The following ARHGAP5 variants were observed in gnomAD, a reference collection of about 807,000 sequenced individuals.
ARHGAP5 encodes the protein rho GTPase-activating protein 5.
In ARHGAP5, 23 loss-of-function variants were observed where a neutral mutation model predicts 116.6. The observed-to-expected ratio is 0.20, with a 90% CI of 0.14 to 0.28. ARHGAP5 has a LOEUF of 0.28. Among genes scored for constraint, ARHGAP5 ranks in the 10% least tolerant of loss-of-function variants. The pLI, the probability that ARHGAP5 is intolerant of heterozygous loss-of-function variation, is 1.00. For missense variants in ARHGAP5, 1,405 were observed against 1,774.8 expected (o/e 0.79, Z 3.74); for synonymous variants, 574 against 602.0 (o/e 0.95, Z 0.68).
At chr14:32,151,753 A>G (rs193059088) in intron 5 of ARHGAP5, among the ~76,000 whole-genome samples, 2 of 152,358 alleles carry the variant, frequency 1.3e-5, no homozygotes, top group African/African-American at 4.8e-5. Context: ...TAACATATTT[A>G]TAAGTAATTA....
chr14:32,117,783 G>GTTGTATTTT (rs1879678582), intron 3 of ARHGAP5, among the ~76,000 whole-genome samples: 1 of 152,118 alleles, frequency 6.6e-6, no homozygotes, highest in African/African-American at 2.4e-5. Flanking sequence ...TATGATTTGA[G>GTTGTATTTT]TTGTATTTTT....
chr14:32,145,051 T>C (rs576653777), intron 3 of ARHGAP5, among the ~76,000 whole-genome samples: 1 of 152,338 alleles, frequency 6.6e-6, no homozygotes, highest in African/African-American at 2.4e-5. Flanking sequence ...TCAGAGACTT[T>C]GGAATATTAC....
intron 1 of ARHGAP5, among the ~76,000 whole-genome samples, chr14:32,089,064 C>T (rs1366051183): frequency 1.3e-5 from 2 of 151,840 alleles, no homozygotes; most frequent in African/African-American, 2.4e-5. Context: ...GTTTGACTGT[C>T]AGATGGCTGA....
chr14:32,136,541 G>T lies in ARHGAP5; in HGVS notation c.3866-9722G>T, dbSNP rs577071138. ...GTATTTGGATTGTTTTCATTCTTTT[G>T]GCTATTGTGAATAGTGCTGCTGTGA... On this transcript the variant is annotated intron_variant, in intron 3 of 6. Coordinates refer to ENST00000345122, the MANE Select transcript of ARHGAP5 (RefSeq NM_001030055.2). Among the ~76,000 whole-genome samples, 179 of 152,158 alleles carry T rather than the reference G, an allele frequency of 1.2e-3. 1 individual carries two copies. Among genetic ancestry groups the T allele is most frequent in the Non-Finnish European group, 2.3e-3 (159 of 68,012 alleles).
chr14:32,132,492 G>A (rs1880555950), intron 3 of ARHGAP5, among the ~76,000 whole-genome samples: 3 of 152,162 alleles, frequency 2.0e-5, no homozygotes, highest in Admixed American at 2.0e-4. Context: ...TTAGCCCTTT[G>A]TCAGATGAGT....
rs1159973082 is a variant in ARHGAP5, at chr14:32,091,326, A to G, written c.657A>G (p.Lys219=). The change falls in exon 2 of 7, where the codon AAA becomes AAG. Residue 219 remains lysine (K), a synonymous_variant. Coordinates refer to ENST00000345122, the MANE Select transcript of ARHGAP5 (RefSeq NM_001030055.2). The part of the protein sequence containing the change: ...LREVQAFASN[K]KNLLVVETSA... ...AAGTTCAGGCATTTGCTTCAAATAA[A>G]AAGAACCTTCTTGTAGTGGAAACAT... 6.2e-7 allele frequency: 1 copy of G among 1,613,620 alleles called. No individual in the cohort carries two copies. Among genetic ancestry groups the G allele is most frequent in the East Asian group, 2.2e-5 (1 of 44,868 alleles).
chr14:32,131,026 T>G (rs1227620539), intron 3 of ARHGAP5, among the ~76,000 whole-genome samples: 1 of 152,164 alleles, frequency 6.6e-6, no homozygotes, highest in East Asian at 1.9e-4. Context: ...ACACTTCACC[T>G]CCAAGTCATT....
chr14:32,125,980 AATT>A lies in ARHGAP5; in HGVS notation c.3865+8698_3865+8700del, dbSNP rs1438769206. 2.0e-5 allele frequency among the ~76,000 whole-genome samples: 3 copies of A among 152,082 alleles called. No homozygotes were observed. In the East Asian group the frequency reaches 5.8e-4, roughly 29 times the overall value. On this transcript the variant is annotated intron_variant, in intron 3 of 6. Transcript: ENST00000345122. The stretch of plus-strand genomic sequence containing the variant: ...GATCTTGTATCCTGAAATTTTGCCA[AATT>A]ATTAGCTCTATTTTTTGTGTGTATT...
intron 3 of ARHGAP5, among the ~76,000 whole-genome samples, chr14:32,127,682 G>A (rs1434706510): frequency 6.6e-6 from 1 of 152,210 alleles, no homozygotes; most frequent in Admixed American, 6.5e-5. Context: ...TCAATGAGCT[G>A]TTGGGTACAC....
chr14:32,141,114 A>G (rs1382455185), intron 3 of ARHGAP5, among the ~76,000 whole-genome samples: 1 of 152,296 alleles, frequency 6.6e-6, no homozygotes, highest in African/African-American at 2.4e-5. Context: ...TTCTGATACT[A>G]GGATAGCTAC....
At chr14:32,130,929 G>C (rs940364584) in intron 3 of ARHGAP5, among the ~76,000 whole-genome samples, 1 of 152,116 alleles carries the variant, frequency 6.6e-6, no homozygotes, top group South Asian at 2.1e-4. Flanking sequence ...TAGATTCACC[G>C]AGTAAACTTT....
intron 2 of ARHGAP5, 48 bp from the exon 3 acceptor site, chr14:32,117,092 T>C: frequency 6.9e-7 from 1 of 1,448,450 alleles, no homozygotes; most frequent in Non-Finnish European, 9.4e-7. Flanking sequence ...ATTACTATTA[T>C]TCTGAAATTA....
Position 32,090,525 on chromosome 14 carries a change from A to G in ARHGAP5, c.-145A>G. 1.5e-6 allele frequency: 1 copy of G among 679,648 alleles called. No homozygotes were observed. Among genetic ancestry groups the G allele is most frequent in the Non-Finnish European group, 2.4e-6 (1 of 412,784 alleles). The allele number at this position is 679,648 out of a possible 1,614,324, so 42.1% of individuals were successfully genotyped here. Reference sequence around the variant, plus strand: ...AGGAAGATGATCCCTATGATCTTGAAGATGTTTCTGCACAGAAATGAGGGA... The same window carrying G: ...AGGAAGATGATCCCTATGATCTTGAGGATGTTTCTGCACAGAAATGAGGGA... On this transcript the variant is annotated 5_prime_UTR_variant, in exon 2 of 7. Transcript: ENST00000345122.
In ARHGAP5 at chr14:32,077,333, A is replaced by T. The variant is rs1262171690; in HGVS notation, c.-271A>T. On this transcript the variant is annotated 5_prime_UTR_variant, in exon 1 of 7. Transcript: ENST00000345122. ...AAGAGAGGCGAGCGGAGAGTGGAGG[A>T]GGAGGCGGCGGCGGCGGGAGCGGTC... 1.6e-6 allele frequency: 1 copy of T among 625,490 alleles called. No homozygotes were observed. Among genetic ancestry groups the T allele is most frequent in the African/African-American group, 1.9e-5 (1 of 53,176 alleles). The allele number at this position is 625,490 out of a possible 1,614,324, so 38.7% of individuals were successfully genotyped here.
chr14:32,088,582 A>G (rs923951283), intron 1 of ARHGAP5, among the ~76,000 whole-genome samples: 2 of 152,168 alleles, frequency 1.3e-5, no homozygotes, highest in East Asian at 1.9e-4. Flanking sequence ...GGTAAAGAAC[A>G]TTAAAGCTGA....
chr14:32,112,997 T>C (rs1879386770), intron 2 of ARHGAP5, among the ~76,000 whole-genome samples: 2 of 152,240 alleles, frequency 1.3e-5, no homozygotes, highest in South Asian at 2.1e-4. Flanking sequence ...AATACCATGC[T>C]ACTAATTTTT....
At chr14:32,080,576 C>G (rs2041762143) in intron 1 of ARHGAP5, among the ~76,000 whole-genome samples, 1 of 151,838 alleles carries the variant, frequency 6.6e-6, no homozygotes, top group Non-Finnish European at 1.5e-5. Context: ...GTGCCTAGCC[C>G]TGGAAATACC....
rs186741221 is a variant in ARHGAP5, at chr14:32,092,877, A to G, written c.2208A>G (p.Thr736=). ...QCPFVDVPAG[T]YPRKFNETQI... ...CTTTTGTAGATGTACCTGCTGGTAC[A>G]TATCCTCGTAAATTTAATGAAACCC... Residue 736 remains threonine (T), a synonymous_variant, in exon 2 of 7, where the codon ACA becomes ACG. Coordinates refer to ENST00000345122, the MANE Select transcript of ARHGAP5 (RefSeq NM_001030055.2). The surrounding 1 kb of genome is among the most constrained non-coding windows in gnomAD (Gnocchi z 4.1). 5.0e-6 allele frequency: 8 copies of G among 1,614,044 alleles called. No homozygotes were observed. Among genetic ancestry groups the G allele is most frequent in the Non-Finnish European group, 6.8e-6 (8 of 1,179,938 alleles).
chr14:32,116,228 AGT>A (rs1350983710), intron 2 of ARHGAP5, among the ~76,000 whole-genome samples: 4 of 150,148 alleles, frequency 2.7e-5, no homozygotes, highest in South Asian at 2.1e-4. Flanking sequence ...CGGAGCTTGC[AGT>A]GAGCCTAGAC....
Sources: allele counts gnomAD v4.1 joint callset (sites outside exome capture counted in the v4.1 genomes callset), GRCh38; gene constraint gnomAD v4.1.1; non-coding constraint Gnocchi (gnomAD v3.1); transcripts MANE v1.5; gene names NCBI Gene and HGNC (gene_info 2026-07-23, HGNC 2026-07-21).